Variants in ANO3 observed in about 807,000 individuals in gnomAD.
ANO3 encodes the protein anoctamin 3, also known as anoctamin-3.
In ANO3, 99 loss-of-function variants were observed where a neutral mutation model predicts 144.8. The observed-to-expected ratio is 0.68, with a 90% CI of 0.58 to 0.81. ANO3 has a LOEUF of 0.81. Among genes scored for constraint, ANO3 ranks in the 30% least tolerant of loss-of-function variants. The pLI is 0.00. For missense variants in ANO3, 905 were observed against 1,202.2 expected, an observed-to-expected ratio of 0.75 and a Z score of 3.66; for synonymous variants, 414 against 392.6, an observed-to-expected ratio of 1.05 and a Z score of -0.64.
chr11:26,617,439 G>A (rs2132986243), intron 17 of ANO3, among the ~76,000 whole-genome samples: 1 of 152,350 alleles, frequency 6.6e-6, no homozygotes, highest in East Asian at 1.9e-4. Flanking sequence ...CAGAAGGCAA[G>A]TGAAGAGAGG....
intron 17 of ANO3, among the ~76,000 whole-genome samples, chr11:26,615,416 T>TATATA (rs1565144567): frequency 5.8e-5 from 5 of 86,804 alleles, no homozygotes; most frequent in South Asian, 4.1e-4. Flanking sequence ...ATATATATAT[T>TATATA]TTTTTTTTTT....
intron 4 of ANO3, among the ~76,000 whole-genome samples, chr11:26,483,198 C>T (rs992447011): frequency 2.0e-5 from 3 of 152,140 alleles, no homozygotes; most frequent in South Asian, 2.1e-4. Flanking sequence ...AGCCTGTAAA[C>T]GTTCCCTTTT....
chr11:26,489,250 C>T (rs927000951), intron 4 of ANO3, among the ~76,000 whole-genome samples: 12 of 152,238 alleles, frequency 7.9e-5, no homozygotes, highest in African/African-American at 1.2e-4. Context: ...TGACTTCAGA[C>T]AGTGGAAGCC....
chr11:26,555,342 G>C (rs1850053939), intron 13 of ANO3, among the ~76,000 whole-genome samples: 1 of 152,110 alleles, frequency 6.6e-6, no homozygotes, highest in Admixed American at 6.6e-5. Context: ...AAAAAATCCA[G>C]ATACTTCTTC....
At chr11:26,259,584 T>TGG (rs549920926) in intron 1 of ANO3, among the ~76,000 whole-genome samples, 1 of 4,450 alleles carries the variant, frequency 2.2e-4, no homozygotes, top group East Asian at 1.3e-3. Flanking sequence ...GGGGTGGGGG[T>TGG]GGGGGGGCAG....
intron 1 of ANO3, among the ~76,000 whole-genome samples, chr11:26,419,824 A>G (rs1175531328): frequency 6.6e-6 from 1 of 152,128 alleles, no homozygotes; most frequent in Non-Finnish European, 1.5e-5. Context: ...GGTTTTAACT[A>G]TGAAACAATA....
At chr11:26,637,876 A>G (rs758809941) in intron 20 of ANO3, among the ~76,000 whole-genome samples, 1 of 152,212 alleles carries the variant, frequency 6.6e-6, no homozygotes, top group Non-Finnish European at 1.5e-5. Flanking sequence ...TATGAGCAGG[A>G]CATGTACCCA....
rs139359122 is a variant in ANO3, at chr11:26,254,874, A to G, written c.155-54771A>G. 8.0e-3 allele frequency among the ~76,000 whole-genome samples: 1,221 copies of G among 152,274 alleles called. 15 individuals are homozygous for G. Among genetic ancestry groups the G allele is most frequent in the African/African-American group, 0.028 (1,155 of 41,564 alleles). ...TTACAGTACAACACTCTTACAGTGT[A>G]TTATCTCAATTCGTCCTCAAAACAA... On this transcript the variant is annotated intron_variant, in intron 1 of 27. Coordinates refer to the ANO3 transcript ENST00000672621.
intron 1 of ANO3, among the ~76,000 whole-genome samples, chr11:26,254,304 GT>G (rs1251923870): frequency 1.3e-5 from 2 of 152,016 alleles, no homozygotes; most frequent in African/African-American, 4.8e-5. Flanking sequence ...TGCACTTTCT[GT>G]TTAACTAGAA....
intron 1 of ANO3, among the ~76,000 whole-genome samples, chr11:26,429,969 G>A (rs1858031389): frequency 6.6e-6 from 1 of 152,102 alleles, no homozygotes; most frequent in African/African-American, 2.4e-5. Flanking sequence ...CAGGCACGGG[G>A]GCTCACGTCT....
At chr11:26,433,637 A>G (rs945561675) in intron 1 of ANO3, among the ~76,000 whole-genome samples, 1 of 152,164 alleles carries the variant, frequency 6.6e-6, no homozygotes, top group Admixed American at 6.5e-5. Flanking sequence ...GCCTTTCTGC[A>G]TCTATTGAGA....
intron 13 of ANO3, among the ~76,000 whole-genome samples, chr11:26,557,279 G>A (rs1850110833): frequency 1.3e-5 from 2 of 151,964 alleles, no homozygotes; most frequent in Admixed American, 1.3e-4. Flanking sequence ...GGCTAAGACA[G>A]TGAAACCCTG....
chr11:26,406,982 A>G (rs1264948133), intron 1 of ANO3, among the ~76,000 whole-genome samples: 2 of 145,164 alleles, frequency 1.4e-5, no homozygotes, highest in Admixed American at 1.4e-4. Flanking sequence ...GTATATATAT[A>G]TATTTATAGG....
Position 26,516,847 on chromosome 11 carries a change from T to C in ANO3, c.612T>C (p.Asp204=), listed in dbSNP as rs1325948021. ...LEKEPAIASP[D]IMFIKIHIPW... is the part of the protein sequence containing the mutation. ...TGCAGCCAGCTATTGCAAGCCCCGATATCATGTTTATTAAAATTCACATTC... is the reference window on the plus strand; with the variant it reads ...TGCAGCCAGCTATTGCAAGCCCCGACATCATGTTTATTAAAATTCACATTC... Residue 204 remains aspartate, a synonymous_variant, in exon 6 of 27, where the codon GAT becomes GAC. Transcript: ENST00000256737. 1.9e-6 allele frequency: 3 copies of C among 1,611,150 alleles called. No homozygotes were observed. Among genetic ancestry groups the C allele is most frequent in the African/African-American group, 2.7e-5 (2 of 74,786 alleles).
At chr11:26,314,986 A>G (rs1357093718) in intron 1 of ANO3, among the ~76,000 whole-genome samples, 1 of 152,038 alleles carries the variant, frequency 6.6e-6, no homozygotes, top group Non-Finnish European at 1.5e-5. Flanking sequence ...GATAAGTTAT[A>G]TTGTTATTGC....
At chr11:26,604,025 G>C (rs1180546417) in intron 17 of ANO3, among the ~76,000 whole-genome samples, 1 of 152,002 alleles carries the variant, frequency 6.6e-6, no homozygotes, top group African/African-American at 2.4e-5. Flanking sequence ...TCACCCTACT[G>C]TGCAGTAGAA....
intron 1 of ANO3, among the ~76,000 whole-genome samples, chr11:26,283,981 A>T (rs1369923052): frequency 1.3e-5 from 2 of 152,148 alleles, no homozygotes; most frequent in Non-Finnish European, 2.9e-5. Flanking sequence ...AGGAGTCCTG[A>T]GACTTGCAGT....
chr11:26,585,699 T>A (rs1851255515), intron 14 of ANO3, among the ~76,000 whole-genome samples: 1 of 152,206 alleles, frequency 6.6e-6, no homozygotes, highest in Non-Finnish European at 1.5e-5. Context: ...GGAAGCATTG[T>A]ATGGTAGACA....
At chr11:26,260,191 C>T (rs1259160171) in intron 1 of ANO3, among the ~76,000 whole-genome samples, 1 of 151,830 alleles carries the variant, frequency 6.6e-6, no homozygotes, top group Non-Finnish European at 1.5e-5. Flanking sequence ...AGGAAGTGTT[C>T]CAGGCTCAAG....
Sources: allele counts gnomAD v4.1 joint callset (sites outside exome capture counted in the v4.1 genomes callset), GRCh38; gene constraint gnomAD v4.1.1; transcripts MANE v1.5; gene names NCBI Gene and HGNC (gene_info 2026-07-23, HGNC 2026-07-21).